CPA6: variants seen among roughly 807,000 people sequenced by gnomAD.
CPA6 encodes carboxypeptidase A6.
CPA6 carries 58 observed loss-of-function variants against 63.3 expected under a neutral mutation model. The ratio of observed to expected loss-of-function variants is 0.92; its 90% CI spans 0.74 to 1.14. The LOEUF is 1.14. Among genes scored for constraint, CPA6 ranks in the 50% most tolerant of loss-of-function variants. The pLI is 0.00. For missense variants in CPA6, 565 were observed against 526.6 expected, an observed-to-expected ratio of 1.07 and a Z score of -0.71; for synonymous variants, 185 against 179.0, an observed-to-expected ratio of 1.03 and a Z score of -0.27.
At chr8:67,650,730 G>A (rs1233954310) in intron 1 of CPA6, among the ~76,000 whole-genome samples, 3 of 152,100 alleles carry the variant, frequency 2.0e-5, no homozygotes, top group Admixed American at 6.5e-5. Context: ...GACTGTCTAC[G>A]ATGTTCATAT....
At chr8:67,468,325 G>A (rs1033435026) in intron 8 of CPA6, among the ~76,000 whole-genome samples, 1 of 151,950 alleles carries the variant, frequency 6.6e-6, no homozygotes, top group African/African-American at 2.4e-5. Flanking sequence ...GGGCACACCT[G>A]TAATCCCAGC....
intron 2 of CPA6, among the ~76,000 whole-genome samples, chr8:67,562,287 TC>T (rs1222778501): frequency 3.9e-5 from 6 of 152,196 alleles, no homozygotes; most frequent in Non-Finnish European, 7.4e-5. Flanking sequence ...CTTTATCAAC[TC>T]TCTAGGTCTC....
chr8:67,552,100 A>G (rs1812951125), intron 2 of CPA6, among the ~76,000 whole-genome samples: 1 of 152,222 alleles, frequency 6.6e-6, no homozygotes, highest in African/African-American at 2.4e-5. Context: ...TTTCTTCCAA[A>G]TCCTTCCAAA....
At chr8:67,430,579 T>G (rs1009809233) in intron 9 of CPA6, among the ~76,000 whole-genome samples, 2 of 152,248 alleles carry the variant, frequency 1.3e-5, no homozygotes, top group Non-Finnish European at 2.9e-5. Flanking sequence ...TAATGGTTTC[T>G]GCTTAACATT....
intron 2 of CPA6, among the ~76,000 whole-genome samples, chr8:67,571,879 T>C (rs752274034): frequency 1.3e-5 from 2 of 151,768 alleles, no homozygotes; most frequent in Non-Finnish European, 2.9e-5. Flanking sequence ...ATATGGAAGA[T>C]TGATTAAACT....
chr8:67,627,975 G>A (rs1204943764), intron 1 of CPA6, among the ~76,000 whole-genome samples: 1 of 152,260 alleles, frequency 6.6e-6, no homozygotes, highest in East Asian at 1.9e-4. Context: ...TTATGTCTGG[G>A]TCTCAGTTTC....
intron 8 of CPA6, among the ~76,000 whole-genome samples, chr8:67,450,481 A>G (rs906949077): frequency 6.6e-6 from 1 of 152,246 alleles, no homozygotes; most frequent in Non-Finnish European, 1.5e-5. Flanking sequence ...CCTGAAGTCT[A>G]GAGACTTATG....
At chr8:67,697,703 G>T (rs537537647) in intron 1 of CPA6, among the ~76,000 whole-genome samples, 1 of 151,934 alleles carries the variant, frequency 6.6e-6, no homozygotes, top group South Asian at 2.1e-4. Context: ...CTTTCATCAG[G>T]TACTCTCGCA....
intron 1 of CPA6, among the ~76,000 whole-genome samples, chr8:67,658,252 C>T (rs562608554): frequency 8.5e-4 from 129 of 152,328 alleles, no homozygotes; most frequent in Non-Finnish European, 1.7e-3. Context: ...AGTGCTGCAA[C>T]ATGTATTGTG....
intron 1 of CPA6, among the ~76,000 whole-genome samples, chr8:67,627,633 A>G (rs1815223084): frequency 6.6e-6 from 1 of 152,216 alleles, no homozygotes; most frequent in African/African-American, 2.4e-5. Context: ...AAAGAAAGAC[A>G]GCATAAGCAT....
intron 1 of CPA6, among the ~76,000 whole-genome samples, chr8:67,646,776 T>C (rs1403934292): frequency 5.9e-5 from 9 of 152,000 alleles, no homozygotes; most frequent in Admixed American, 2.0e-4. Context: ...GGAAGAGGGC[T>C]CCAGGCAAAG....
chr8:67,426,462 G>C (rs1421165978), intron 10 of CPA6, among the ~76,000 whole-genome samples: 1 of 151,318 alleles, frequency 6.6e-6, no homozygotes, highest in South Asian at 2.1e-4. Context: ...TCCCTTTCAA[G>C]GTGGCCACTG....
At chr8:67,594,173 G>A (rs1814221918) in intron 2 of CPA6, among the ~76,000 whole-genome samples, 1 of 152,144 alleles carries the variant, frequency 6.6e-6, no homozygotes, top group Non-Finnish European at 1.5e-5. Context: ...GAAATTCTGG[G>A]TTGAAAATTC....
chr8:67,542,727 T>C (rs1054655478), intron 2 of CPA6, among the ~76,000 whole-genome samples: 3 of 152,218 alleles, frequency 2.0e-5, no homozygotes, highest in South Asian at 2.1e-4. Context: ...ACATAAGATG[T>C]ACTGATGCAG....
At chr8:67,474,512 C>T (rs1030059876) in intron 8 of CPA6, among the ~76,000 whole-genome samples, 1 of 152,112 alleles carries the variant, frequency 6.6e-6, no homozygotes, top group Non-Finnish European at 1.5e-5. Context: ...TGAGCCACAG[C>T]CGCCGGCCGC....
chr8:67,527,550 G>T (rs1812390526), intron 2 of CPA6, among the ~76,000 whole-genome samples: 1 of 152,130 alleles, frequency 6.6e-6, no homozygotes, highest in South Asian at 2.1e-4. Flanking sequence ...TGATTCCCAT[G>T]TACTCCTTAA....
chr8:67,439,901 C>T (rs939036579), intron 8 of CPA6, among the ~76,000 whole-genome samples: 10 of 152,048 alleles, frequency 6.6e-5, no homozygotes, highest in South Asian at 2.1e-4. Context: ...ATTGAGATTA[C>T]GGGCATAAGC....
intron 1 of CPA6, among the ~76,000 whole-genome samples, chr8:67,673,209 T>C (rs1327034152): frequency 6.6e-6 from 1 of 152,060 alleles, no homozygotes; most frequent in Non-Finnish European, 1.5e-5. Context: ...TCTGACTGTA[T>C]TTGGCGGCAT....
chr8:67,459,577 A>T (rs1468101350), intron 8 of CPA6, among the ~76,000 whole-genome samples: 2 of 152,192 alleles, frequency 1.3e-5, no homozygotes, highest in African/African-American at 4.8e-5. Flanking sequence ...CCGTGAGGGA[A>T]GTAAAAGGAT....
Sources: gnomAD v4.1 joint callset for allele counts (sites outside exome capture counted in the v4.1 genomes callset) on GRCh38, gnomAD v4.1.1 for gene constraint, MANE v1.5 for transcripts, NCBI Gene and HGNC (gene_info 2026-07-23, HGNC 2026-07-21) for gene names.